The following DNAI1 variants were observed in gnomAD, a reference collection of about 807,000 sequenced individuals.
DNAI1 encodes dynein axonemal intermediate chain 1.
DNAI1 carries 67 observed loss-of-function variants against 92.0 expected under a neutral mutation model. That is an observed-to-expected ratio of 0.73 (90% confidence interval 0.60 to 0.89). The LOEUF is 0.89. Among genes scored for constraint, DNAI1 ranks in the 40% least tolerant of loss-of-function variants. The pLI, the probability that DNAI1 is intolerant of heterozygous loss-of-function variation, is 0.00. For missense variants in DNAI1, 839 were observed against 866.6 expected (o/e 0.97, Z 0.40); for synonymous variants, 323 against 319.6 (o/e 1.01, Z -0.11).
chr9:34,461,935 G>C (rs866885450), intron 1 of DNAI1, among the ~76,000 whole-genome samples: 2 of 152,178 alleles, frequency 1.3e-5, no homozygotes, highest in Non-Finnish European at 2.9e-5. Context: ...GGATGAAGGG[G>C]AGAGAAGCCT....
intron 9 of DNAI1, among the ~76,000 whole-genome samples, chr9:34,496,734 T>G (rs908089907): frequency 4.6e-5 from 7 of 152,122 alleles, no homozygotes; most frequent in Non-Finnish European, 8.8e-5. Flanking sequence ...AACTTTTCTG[T>G]CTCCACCAAA....
intron 13 of DNAI1, 69 bp from the exon 14 acceptor site, chr9:34,512,040 C>G: frequency 4.0e-6 from 6 of 1,499,946 alleles, no homozygotes; most frequent in Non-Finnish European, 5.6e-6. Flanking sequence ...TGGGGGAGCC[C>G]TGCTCTGCCC....
At chr9:34,519,068 G>A (rs1280333732) in intron 19 of DNAI1, among the ~76,000 whole-genome samples, 1 of 152,196 alleles carries the variant, frequency 6.6e-6, no homozygotes, top group Non-Finnish European at 1.5e-5. Flanking sequence ...CGTCTCTGAG[G>A]ACCTGAGAAG....
chr9:34,486,741 C>T (rs1302059225), intron 4 of DNAI1, among the ~76,000 whole-genome samples: 3 of 152,264 alleles, frequency 2.0e-5, no homozygotes, highest in East Asian at 3.9e-4. Flanking sequence ...TTCACTTCCC[C>T]GCAAGGAAAC....
chr9:34,512,305 T>TC (rs34464281), intron 14 of DNAI1, 32 bp from the exon 15 acceptor site: 25 of 1,610,118 alleles, frequency 1.6e-5, no homozygotes, highest in Middle Eastern at 3.3e-4. Flanking sequence ...CCACGTGCCC[T>TC]CCCCCCCACA....
chr9:34,476,429 A>G (rs1824238516), intron 1 of DNAI1, among the ~76,000 whole-genome samples: 1 of 152,172 alleles, frequency 6.6e-6, no homozygotes, highest in African/African-American at 2.4e-5. Flanking sequence ...GTGTTCCAGG[A>G]CAGACCGAGT....
chr9:34,484,749 G>A (rs1241161600), intron 2 of DNAI1, among the ~76,000 whole-genome samples: 3 of 152,216 alleles, frequency 2.0e-5, no homozygotes, highest in African/African-American at 7.2e-5. Flanking sequence ...TGAAGTAACA[G>A]CTTATTATCC....
rs548860209 is a variant in DNAI1, at chr9:34,458,864, C to T, written c.-142C>T. On this transcript the variant is annotated 5_prime_UTR_variant, in exon 1 of 20. Transcript: ENST00000242317. This position sits in a 1 kb window ranked among gnomAD's most constrained non-coding sequence, Gnocchi z 6.6. ...TATCCTGCAAGGGCACGGGGACCCA[C>T]AACGACGGCTGTCCCTAAAGAACCG... The T allele has an allele frequency of 1.3e-6, 1 of 759,948 alleles. No individual in the cohort carries two copies. Among genetic ancestry groups the T allele is most frequent in the African/African-American group, 1.7e-5 (1 of 58,242 alleles). The allele number at this position is 759,948 out of a possible 1,614,324, so 47.1% of individuals were successfully genotyped here.
chr9:34,483,575 A>G (rs1227517796), intron 2 of DNAI1, 95 bp downstream of exon 2: 1 of 1,234,032 alleles, frequency 8.1e-7, no homozygotes, highest in Non-Finnish European at 1.1e-6. Context: ...AATGCAAATG[A>G]ACTAAAAGAA....
chr9:34,473,088 C>T (rs1257881427), intron 1 of DNAI1, among the ~76,000 whole-genome samples: 1 of 151,998 alleles, frequency 6.6e-6, no homozygotes, highest in Non-Finnish European at 1.5e-5. Context: ...GCATCTATTC[C>T]TGTAACTTGC....
chr9:34,459,882 G>A (rs892084221), intron 1 of DNAI1, among the ~76,000 whole-genome samples: 1 of 152,250 alleles, frequency 6.6e-6, no homozygotes, highest in African/African-American at 2.4e-5. Flanking sequence ...ATGTGCAGGA[G>A]TGTGATTTTA....
chr9:34,510,609 A>T (rs1490165090), intron 13 of DNAI1, among the ~76,000 whole-genome samples: 1 of 152,112 alleles, frequency 6.6e-6, no homozygotes, highest in Non-Finnish European at 1.5e-5. Context: ...ACTTGCGCAC[A>T]TACACACATA....
intron 4 of DNAI1, among the ~76,000 whole-genome samples, chr9:34,487,373 G>C (rs149809767): frequency 6.6e-6 from 1 of 152,014 alleles, no homozygotes; most frequent in Non-Finnish European, 1.5e-5. Context: ...TTTTAGTGGA[G>C]ACTGGGTTTC....
Position 34,520,628 on chromosome 9 carries a change from C to T in DNAI1, c.2002-30C>T, listed in dbSNP as rs570519188. The T allele has an allele frequency of 5.7e-5, 88 of 1,546,834 alleles. No homozygotes were observed. In the East Asian group the frequency reaches 1.3e-3, roughly 24 times the overall value. On this transcript the variant is annotated intron_variant, in intron 19 of 19. Coordinates refer to ENST00000242317, the MANE Select transcript of DNAI1 (RefSeq NM_012144.4). ...CCCAGAGAGGGGGGGCCCACCATTC[C>T]TCCCTCATGTATACTTTCCCTCTCC...
chr9:34,476,147 C>T (rs936245575), intron 1 of DNAI1, among the ~76,000 whole-genome samples: 27 of 152,102 alleles, frequency 1.8e-4, no homozygotes, highest in African/African-American at 5.8e-4. Flanking sequence ...GAATAATGAC[C>T]GTACAATGCC....
intron 9 of DNAI1, among the ~76,000 whole-genome samples, chr9:34,494,899 C>T (rs1349730069): frequency 1.3e-5 from 2 of 152,204 alleles, no homozygotes; most frequent in Admixed American, 1.3e-4. Flanking sequence ...GCCAGGCTGT[C>T]TGTGCAACAC....
chr9:34,466,021 G>A (rs1428397369), intron 1 of DNAI1, among the ~76,000 whole-genome samples: 1 of 152,214 alleles, frequency 6.6e-6, no homozygotes. Context: ...AACCCTGGGT[G>A]TGAGAACCAA....
chr9:34,492,039 C>G (rs970681864), intron 8 of DNAI1, among the ~76,000 whole-genome samples: 1 of 152,108 alleles, frequency 6.6e-6, no homozygotes, highest in African/African-American at 2.4e-5. Context: ...TGATCTCAGA[C>G]CTCACATTTT....
chr9:34,486,279 C>G (rs1322654370), intron 4 of DNAI1, among the ~76,000 whole-genome samples: 1 of 152,062 alleles, frequency 6.6e-6, no homozygotes, highest in Non-Finnish European at 1.5e-5. Context: ...CATAAAATAT[C>G]TCATATAATC....
Sources: allele counts gnomAD v4.1 joint callset (sites outside exome capture counted in the v4.1 genomes callset), GRCh38; gene constraint gnomAD v4.1.1; non-coding constraint Gnocchi (gnomAD v3.1); transcripts MANE v1.5; gene names NCBI Gene and HGNC (gene_info 2026-07-23, HGNC 2026-07-21).